POU6F2: variants seen among roughly 807,000 people sequenced by gnomAD.
POU6F2 encodes POU class 6 homeobox 2, also known as POU domain, class 6, transcription factor 2.
In POU6F2, 31 loss-of-function variants were observed where a neutral mutation model predicts 71.3. That is an observed-to-expected ratio of 0.43 (90% confidence interval 0.33 to 0.59). POU6F2 has a LOEUF of 0.59. POU6F2 is among the 20% of genes least tolerant of loss of function. The pLI, the probability that POU6F2 is intolerant of heterozygous loss-of-function variation, is 0.04. For missense variants in POU6F2, 783 were observed against 856.8 expected (o/e 0.91, Z 1.07); for synonymous variants, 347 against 355.7 (o/e 0.98, Z 0.27).
chr7:39,435,574 A>G (rs537687875), intron 7 of POU6F2, among the ~76,000 whole-genome samples: 1 of 152,266 alleles, frequency 6.6e-6, no homozygotes, highest in South Asian at 2.1e-4. Flanking sequence ...CCCATTCTGT[A>G]GGTTGCCTGT....
chr7:39,200,369 T>C (rs1793873227), intron 2 of POU6F2, among the ~76,000 whole-genome samples: 1 of 152,224 alleles, frequency 6.6e-6, no homozygotes, highest in Non-Finnish European at 1.5e-5. Context: ...TTCGCAGGCC[T>C]GGGTGAAAAC....
At chr7:39,108,233 T>C (rs1791731684) in intron 2 of POU6F2, among the ~76,000 whole-genome samples, 2 of 152,154 alleles carry the variant, frequency 1.3e-5, no homozygotes, top group South Asian at 2.1e-4. Flanking sequence ...GATGCAGTTG[T>C]TGGGAGGAGG....
intron 2 of POU6F2, among the ~76,000 whole-genome samples, chr7:39,169,555 T>C (rs1793175455): frequency 6.6e-6 from 1 of 152,230 alleles, no homozygotes; most frequent in African/African-American, 2.4e-5. Context: ...CTCTCAATTG[T>C]AAAAATGTAA....
chr7:39,241,475 C>G (rs1357695656), intron 4 of POU6F2, among the ~76,000 whole-genome samples: 1 of 152,098 alleles, frequency 6.6e-6, no homozygotes, highest in Non-Finnish European at 1.5e-5. Flanking sequence ...GAAGGTGTCA[C>G]TCGGATAGTG....
chr7:39,227,003 A>G (rs1259489234), intron 4 of POU6F2, among the ~76,000 whole-genome samples: 1 of 152,194 alleles, frequency 6.6e-6, no homozygotes, highest in African/African-American at 2.4e-5. Flanking sequence ...TAAATATTTG[A>G]TAAAATGTAA....
intron 1 of POU6F2, among the ~76,000 whole-genome samples, chr7:39,049,243 G>T (rs1790357332): frequency 2.0e-5 from 3 of 151,466 alleles, no homozygotes; most frequent in Admixed American, 1.3e-4. Context: ...TTTGGGTTTA[G>T]GTTGCTCTTA....
At position 39,085,872 on chromosome 7, in the gene POU6F2, G is replaced by A. The variant is rs776467678; in HGVS notation, c.118G>A (p.Ala40Thr). The A allele has an allele frequency of 1.9e-6, 3 of 1,613,482 alleles. No homozygotes were observed. The highest frequency in any genetic ancestry group is 2.5e-6 in the Non-Finnish European group (3 of 1,179,710). ...QAVIGQDPMI[A>T]GQVSKPLLSV... ...TCGCCCATCCTAGGATCCAATGATA[G>A]CTGGACAAGTCAGTAAGCCCTTGCT... The change falls in exon 2 of 10, where the codon GCT (alanine) becomes ACT (threonine). Residue 40 changes from alanine to threonine, a missense_variant. Physicochemically the swap from Ala to Thr is moderately conservative, Grantham distance 58. Transcript: ENST00000518318.
intron 2 of POU6F2, among the ~76,000 whole-genome samples, chr7:39,089,580 C>T (rs973352127): frequency 6.6e-6 from 1 of 152,168 alleles, no homozygotes; most frequent in Non-Finnish European, 1.5e-5. Context: ...TTATAGTACT[C>T]GTGTCAGTGT....
intron 5 of POU6F2, among the ~76,000 whole-genome samples, chr7:39,365,498 A>G (rs936774710): frequency 2.6e-5 from 4 of 152,246 alleles, no homozygotes; most frequent in African/African-American, 4.8e-5. Context: ...CCAAGAACCC[A>G]AAAGCAAATG....
intron 4 of POU6F2, among the ~76,000 whole-genome samples, chr7:39,306,169 C>G (rs1785044762): frequency 6.6e-6 from 1 of 152,190 alleles, no homozygotes; most frequent in African/African-American, 2.4e-5. Context: ...AAATCAAGAA[C>G]TGCCAGCCTG....
chr7:39,026,252 A>G (rs553134917), intron 1 of POU6F2, among the ~76,000 whole-genome samples: 86 of 151,944 alleles, frequency 5.7e-4, no homozygotes, highest in African/African-American at 2.1e-3. Flanking sequence ...ATTACTGGGT[A>G]TATACCCAAA....
intron 1 of POU6F2, among the ~76,000 whole-genome samples, chr7:38,997,417 T>G (rs1417861532): frequency 6.6e-6 from 1 of 152,234 alleles, no homozygotes; most frequent in Non-Finnish European, 1.5e-5. Flanking sequence ...TACTTAAATC[T>G]TGTCCATCCT....
chr7:39,132,166 A>T (rs962038220), intron 2 of POU6F2, among the ~76,000 whole-genome samples: 4 of 152,260 alleles, frequency 2.6e-5, no homozygotes, highest in African/African-American at 9.6e-5. Context: ...AAAGTAACGG[A>T]TAATGACCAT....
At chr7:39,079,050 C>T (rs769991109) in intron 1 of POU6F2, among the ~76,000 whole-genome samples, 3 of 152,182 alleles carry the variant, frequency 2.0e-5, no homozygotes, top group Non-Finnish European at 2.9e-5. Context: ...AAGTAACTCC[C>T]AGTCAGTTAG....
intron 1 of POU6F2, among the ~76,000 whole-genome samples, chr7:39,055,639 GT>G (rs200402668): frequency 6.6e-6 from 1 of 151,196 alleles, no homozygotes; most frequent in Non-Finnish European, 1.5e-5. Flanking sequence ...TTTTTGTCTA[GT>G]TTTTTTTCAT....
intron 4 of POU6F2, among the ~76,000 whole-genome samples, chr7:39,271,268 T>A (rs12701709): frequency 0.76 from 115,526 of 152,042 alleles, 44,003 homozygotes; most frequent in Middle Eastern, 0.85. Context: ...AGTCTTGCTC[T>A]TTCATTTACA....
chr7:39,274,322 C>A (rs1422379482), intron 4 of POU6F2, among the ~76,000 whole-genome samples: 10 of 152,202 alleles, frequency 6.6e-5, no homozygotes, highest in African/African-American at 2.4e-4. Context: ...AATTCCTCAA[C>A]ACATACACTC....
chr7:38,997,337 C>G (rs1315348269), intron 1 of POU6F2, among the ~76,000 whole-genome samples: 1 of 152,166 alleles, frequency 6.6e-6, no homozygotes, highest in Non-Finnish European at 1.5e-5. Flanking sequence ...TTGAACTAGA[C>G]TACTCACTTT....
chr7:39,258,663 G>C (rs895919886), intron 4 of POU6F2, among the ~76,000 whole-genome samples: 5 of 150,106 alleles, frequency 3.3e-5, no homozygotes, highest in African/African-American at 1.2e-4. Flanking sequence ...GCCACAAATT[G>C]TTTTCTGTCT....
Sources: allele counts gnomAD v4.1 joint callset (sites outside exome capture counted in the v4.1 genomes callset), GRCh38; gene constraint gnomAD v4.1.1; transcripts MANE v1.5; gene names NCBI Gene and HGNC (gene_info 2026-07-23, HGNC 2026-07-21).